The following PAK2 variants were observed in gnomAD, a reference collection of about 807,000 sequenced individuals.
The protein encoded by PAK2 is p21 (RAC1) activated kinase 2, also known as serine/threonine-protein kinase PAK 2.
PAK2 carries 21 observed loss-of-function variants against 65.9 expected under a neutral mutation model. The observed-to-expected ratio is 0.32, with a 90% confidence interval of 0.23 to 0.46. PAK2 has a LOEUF of 0.46. Ranked by LOEUF, PAK2 falls within the 20% of genes least tolerant of loss-of-function variation. The probability of loss-of-function intolerance (pLI) is 1.00; values close to 1 mark genes in which losing one functional copy is unlikely to be tolerated. For synonymous variants in PAK2, 204 were observed against 219.7 expected (o/e 0.93, Z 0.63); for missense variants, 324 against 642.6 (o/e 0.50, Z 5.36).
chr3:196,822,816 G>A (rs900450647), intron 13 of PAK2, among the ~76,000 whole-genome samples: 1 of 152,198 alleles, frequency 6.6e-6, no homozygotes, highest in Non-Finnish European at 1.5e-5. Flanking sequence ...TGAGGGAAAA[G>A]CATTCTAAGC....
chr3:196,815,411 G>C (rs558092798), intron 11 of PAK2, among the ~76,000 whole-genome samples: 243 of 151,320 alleles, frequency 1.6e-3, no homozygotes, highest in Non-Finnish European at 2.4e-3. Flanking sequence ...AGAATCGCTT[G>C]AGCTGAGGAG....
chr3:196,752,700 A>G (rs1713642668), intron 1 of PAK2, among the ~76,000 whole-genome samples: 1 of 151,974 alleles, frequency 6.6e-6, no homozygotes, highest in African/African-American at 2.4e-5. Flanking sequence ...CCCTGGTTCA[A>G]GCAATTTTCC....
intron 1 of PAK2, among the ~76,000 whole-genome samples, chr3:196,766,903 T>TA (rs146449926): frequency 0.053 from 7,762 of 145,114 alleles, 300 homozygotes; most frequent in African/African-American, 0.11. Context: ...TTCTTCCATT[T>TA]AAAAAAAAAA....
At chr3:196,776,960 T>A (rs1714556368) in intron 1 of PAK2, among the ~76,000 whole-genome samples, 1 of 152,166 alleles carries the variant, frequency 6.6e-6, no homozygotes, top group Non-Finnish European at 1.5e-5. Flanking sequence ...AAGACAAGAT[T>A]TTTTTCGTAA....
At chr3:196,770,732 C>T (rs1293269670) in intron 1 of PAK2, among the ~76,000 whole-genome samples, 1 of 51,346 alleles carries the variant, frequency 1.9e-5, no homozygotes, top group East Asian at 3.4e-4. Context: ...AAGCAATTCT[C>T]CTGCCTCAGC....
At chr3:196,750,852 T>C (rs1713555688) in intron 1 of PAK2, among the ~76,000 whole-genome samples, 2 of 152,170 alleles carry the variant, frequency 1.3e-5, no homozygotes, top group Admixed American at 1.3e-4. Context: ...TAATGATTAA[T>C]TGTTGCTTTT....
chr3:196,810,890 T>G (rs1028146221), intron 8 of PAK2, among the ~76,000 whole-genome samples: 4 of 152,070 alleles, frequency 2.6e-5, no homozygotes, highest in Non-Finnish European at 5.9e-5. Flanking sequence ...ATTTCCCATC[T>G]GTGATAATTA....
chr3:196,767,139 A>AT (rs1714195587), intron 1 of PAK2, among the ~76,000 whole-genome samples: 1 of 152,014 alleles, frequency 6.6e-6, no homozygotes, highest in Non-Finnish European at 1.5e-5. Context: ...TTTAGTGTAG[A>AT]ATGTTCTGTA....
intron 1 of PAK2, among the ~76,000 whole-genome samples, chr3:196,781,860 G>T (rs1383025230): frequency 6.6e-6 from 1 of 152,166 alleles, no homozygotes; most frequent in African/African-American, 2.4e-5. Context: ...TCCCAGCACT[G>T]TGGGAGGCCA....
At chr3:196,751,665 ATT>A (rs1310583028) in intron 1 of PAK2, among the ~76,000 whole-genome samples, 958 of 29,120 alleles carry the variant, frequency 0.033, 125 homozygotes, top group Non-Finnish European at 0.042. Flanking sequence ...ACACAAATTT[ATT>A]TATATACATA....
intron 1 of PAK2, among the ~76,000 whole-genome samples, chr3:196,740,903 C>A (rs1261167957): frequency 6.6e-6 from 1 of 151,334 alleles, no homozygotes; most frequent in Non-Finnish European, 1.5e-5. Context: ...TTAACTAATT[C>A]TTTAAAGATA....
At chr3:196,750,498 G>A (rs2669637) in intron 1 of PAK2, among the ~76,000 whole-genome samples, 70,796 of 151,860 alleles carry the variant, frequency 0.47, 16,979 homozygotes, top group Non-Finnish European at 0.53. Flanking sequence ...ATTATGAATT[G>A]TACCTCATCC....
At chr3:196,826,800 A>G (rs974142607) in intron 13 of PAK2, among the ~76,000 whole-genome samples, 2 of 151,992 alleles carry the variant, frequency 1.3e-5, no homozygotes, top group African/African-American at 4.8e-5. Context: ...ATGCATCTGT[A>G]ATCCCAGCTA....
chr3:196,823,977 A>G (rs1711741692), intron 13 of PAK2, among the ~76,000 whole-genome samples: 1 of 152,050 alleles, frequency 6.6e-6, no homozygotes, highest in African/African-American at 2.4e-5. Context: ...CGTGTATCAG[A>G]GCCTGTACAT....
chr3:196,757,017 C>G (rs1713791664), intron 1 of PAK2, among the ~76,000 whole-genome samples: 1 of 152,206 alleles, frequency 6.6e-6, no homozygotes, highest in South Asian at 2.1e-4. Flanking sequence ...ATTCCTGACA[C>G]AGGTAGCCCC....
chr3:196,742,983 A>G (rs985338597), intron 1 of PAK2, among the ~76,000 whole-genome samples: 3 of 152,240 alleles, frequency 2.0e-5, no homozygotes, highest in South Asian at 4.1e-4. Flanking sequence ...AAAGGTTTCC[A>G]TCAGTTTGGT....
At chr3:196,749,081 C>CT (rs71621295) in intron 1 of PAK2, among the ~76,000 whole-genome samples, 100 of 149,654 alleles carry the variant, frequency 6.7e-4, no homozygotes, top group African/African-American at 1.8e-3. Context: ...AAGTTCTTTT[C>CT]TTTTTTTTTT....
At chr3:196,775,531 C>G (rs970897548) in intron 1 of PAK2, among the ~76,000 whole-genome samples, 1 of 152,002 alleles carries the variant, frequency 6.6e-6, no homozygotes, top group African/African-American at 2.4e-5. Flanking sequence ...TACAGGCGCC[C>G]ACCACCACAA....
rs1715204589 is a variant in PAK2, at chr3:196,795,024, C to T, written c.188-6903C>T. ...CAATAAAAACCAGACTAAATATCCT[C>T]ATACTTCTTTGAAAAATGGCTTAAA... On this transcript the variant is annotated intron_variant, in intron 2 of 14. Transcript: ENST00000327134. Among the ~76,000 whole-genome samples the T allele has an allele frequency of 1.3e-5, 2 of 152,206 alleles. 1 individual carries two copies. Among genetic ancestry groups the T allele is most frequent in the Admixed American group, 1.3e-4 (2 of 15,280 alleles).
Sources: gnomAD v4.1 joint callset for allele counts (sites outside exome capture counted in the v4.1 genomes callset) on GRCh38, gnomAD v4.1.1 for gene constraint, MANE v1.5 for transcripts, NCBI Gene and HGNC (gene_info 2026-07-23, HGNC 2026-07-21) for gene names.